AMZ1: variants seen among roughly 807,000 people sequenced by gnomAD.
AMZ1 encodes the protein archaelysin family metallopeptidase 1.
In AMZ1, 39 loss-of-function variants were observed where a neutral mutation model predicts 29.9. The observed-to-expected ratio is 1.30, with a 90% CI of 1.01 to 1.70. The LOEUF (loss-of-function observed/expected upper bound fraction) is 1.70. AMZ1 is among the 40% of genes most tolerant of loss of function. The pLI, the probability that AMZ1 is intolerant of heterozygous loss-of-function variation, is 0.00. For missense variants in AMZ1, 1,041 were observed against 680.6 expected, an observed-to-expected ratio of 1.53 and a Z score of -5.89; for synonymous variants, 458 against 304.0, an observed-to-expected ratio of 1.51 and a Z score of -5.27.
chr7:2,702,572 CT>C (rs2115114638), intron 2 of AMZ1, 149 bp from the exon 3 acceptor site: 5 of 894,410 alleles, frequency 5.6e-6, no homozygotes, highest in Admixed American at 3.0e-5. Flanking sequence ...CTTTCCATCC[CT>C]TTTCTAAGCC....
At position 2,709,177 on chromosome 7, in the gene AMZ1, A is replaced by C; in HGVS notation, c.704A>C (p.Glu235Ala). Residue 235 changes from glutamate (E) to alanine (A), a missense_variant, in exon 5 of 7, where the codon GAG becomes GCG. Transcript: ENST00000683327. Reference sequence around the variant, plus strand: ...GTAGAGGCAGCAGCAGACGGCCCCGAGGCCCCCCTGCAGGACAGGGGCTGG... The same window carrying C: ...GTAGAGGCAGCAGCAGACGGCCCCGCGGCCCCCCTGCAGGACAGGGGCTGG... ...ALVEAAADGP[E>A]APLQDRGWAL... 6.5e-7 allele frequency: 1 copy of C among 1,546,494 alleles called. No homozygotes were observed. Among genetic ancestry groups the C allele is most frequent in the Non-Finnish European group, 8.7e-7 (1 of 1,148,186 alleles).
At chr7:2,736,728 G>T (rs1790198529) in intron 4 of AMZ1, among the ~76,000 whole-genome samples, 1 of 152,326 alleles carries the variant, frequency 6.6e-6, no homozygotes, top group Non-Finnish European at 1.5e-5. Flanking sequence ...ACCTCCGGTG[G>T]GAGAAAGACA....
At chr7:2,685,246 G>T (rs2115029406), upstream of AMZ1, among the ~76,000 whole-genome samples, 1 of 151,468 alleles carries the variant, frequency 6.6e-6, no homozygotes, top group East Asian at 2.0e-4. Context: ...CAACTTCTTT[G>T]TAATAAGCAG....
In AMZ1 at chr7:2,707,781, C is replaced by T. The variant is rs116588593; in HGVS notation, c.473-807C>T. 2.1e-3 allele frequency among the ~76,000 whole-genome samples: 315 copies of T among 151,006 alleles called. 2 individuals are homozygous for T. Among genetic ancestry groups the T allele is most frequent in the African/African-American group, 7.2e-3 (296 of 41,054 alleles). On this transcript the variant is annotated intron_variant, in intron 3 of 6. Transcript: ENST00000683327. Reference sequence around the variant, plus strand: ...AGCCCTGCAGTGCCCTCAGGCCTCACGTTCTCACCCAGACCCCCTGCTGCC... The same window carrying T: ...AGCCCTGCAGTGCCCTCAGGCCTCATGTTCTCACCCAGACCCCCTGCTGCC...
intron 4 of AMZ1, among the ~76,000 whole-genome samples, chr7:2,735,948 A>C (rs1363714429): frequency 6.6e-6 from 1 of 152,162 alleles, no homozygotes; most frequent in Non-Finnish European, 1.5e-5. Context: ...GCTGTCACTC[A>C]CATCCGCACT....
At chr7:2,683,694 TC>T (rs775488700), upstream of AMZ1, among the ~76,000 whole-genome samples, 21 of 152,088 alleles carry the variant, frequency 1.4e-4, no homozygotes, top group Admixed American at 2.0e-4. Context: ...TGCCTTGGCC[TC>T]CCAAAGTGCT....
chr7:2,732,210 C>T (rs969742021), intron 4 of AMZ1, among the ~76,000 whole-genome samples: 4 of 152,120 alleles, frequency 2.6e-5, no homozygotes, highest in Non-Finnish European at 5.9e-5. Flanking sequence ...AAGTCTTTAG[C>T]GACACACAGG....
chr7:2,751,915 T>C (rs566124031), intron 4 of AMZ1, among the ~76,000 whole-genome samples: 59 of 152,206 alleles, frequency 3.9e-4, no homozygotes, highest in Middle Eastern at 6.8e-3. Context: ...GACCTCACTA[T>C]CAAACACGTA....
intron 1 of AMZ1, among the ~76,000 whole-genome samples, chr7:2,679,948 A>AC (rs1376312148): frequency 6.6e-6 from 1 of 152,070 alleles, no homozygotes; most frequent in Non-Finnish European, 1.5e-5. Context: ...AGGCAGAGGG[A>AC]CCCCGGAGGT....
chr7:2,752,678 A>G (rs1302470000), intron 4 of AMZ1, among the ~76,000 whole-genome samples: 1 of 152,210 alleles, frequency 6.6e-6, no homozygotes, highest in Non-Finnish European at 1.5e-5. Flanking sequence ...GAATCTAAAC[A>G]TTGTAAAAGC....
At chr7:2,696,307 A>G (rs1436483450) in intron 1 of AMZ1, among the ~76,000 whole-genome samples, 3 of 136,662 alleles carry the variant, frequency 2.2e-5, no homozygotes, top group Non-Finnish European at 4.6e-5. Flanking sequence ...CCCAGGCTGG[A>G]GTGCAGTGGT....
intron 3 of AMZ1, among the ~76,000 whole-genome samples, chr7:2,706,897 A>G (rs117179641): frequency 0.028 from 4,325 of 152,314 alleles, 82 homozygotes; most frequent in Non-Finnish European, 0.042. Context: ...AGGCAGGAAG[A>G]TTGCTTGAGC....
intron 2 of AMZ1, 40 bp from the exon 3 acceptor site, chr7:2,702,682 C>A: frequency 6.7e-7 from 1 of 1,490,698 alleles, no homozygotes; most frequent in Non-Finnish European, 8.9e-7. Flanking sequence ...CCCAGGCGGG[C>A]AGGGGCGTCG....
intron 4 of AMZ1, among the ~76,000 whole-genome samples, chr7:2,742,620 GT>G (rs1790566255): frequency 1.3e-5 from 2 of 152,132 alleles, no homozygotes; most frequent in South Asian, 4.1e-4. Flanking sequence ...TTCCATATTA[GT>G]TCTAAAGTCA....
At position 2,700,639 on chromosome 7, in the gene AMZ1, G is replaced by A. The variant is rs745712139; in HGVS notation, c.188G>A (p.Gly63Asp). Reference sequence around the variant, plus strand: ...TTCTGCACCCTGCTCATCCGCACGGGCTTCGACTGGCTCCTGAGCCGACCC... The same window carrying A: ...TTCTGCACCCTGCTCATCCGCACGGACTTCGACTGGCTCCTGAGCCGACCC... ...TLFCTLLIRT[G>D]FDWLLSRPEA... The change falls in exon 2 of 7, where the codon GGC becomes GAC. Residue 63 changes from glycine (G) to aspartate (D), a missense_variant. Gly to Asp is a moderately conservative substitution (Grantham distance 94). Transcript: ENST00000683327. 3.1e-6 allele frequency: 5 copies of A among 1,611,596 alleles called. No homozygotes were observed. The South Asian group carries it at 3.3e-5, about 11-fold the overall frequency.
chr7:2,679,590 C>T (rs1167852129), exon 1 of AMZ1: 2 of 152,388 alleles, frequency 1.3e-5, no homozygotes, highest in African/African-American at 4.8e-5. Flanking sequence ...GGACTTTGCA[C>T]TAGGTGCTGA....
chr7:2,752,245 T>TA (rs888723940), intron 4 of AMZ1, among the ~76,000 whole-genome samples: 49 of 151,100 alleles, frequency 3.2e-4, no homozygotes, highest in African/African-American at 1.0e-3. Context: ...GCTCAGGGCT[T>TA]AAAAAAAAAG....
intron 1 of AMZ1, among the ~76,000 whole-genome samples, chr7:2,696,433 A>AT (rs1442833071): frequency 6.7e-6 from 1 of 150,344 alleles, no homozygotes; most frequent in Non-Finnish European, 1.5e-5. Flanking sequence ...ATTTTTTTGT[A>AT]TTTTTAGTAG....
In AMZ1 at chr7:2,747,494, C is replaced by T. The variant is rs375630946; in HGVS notation, n.551-17218C>T. Among the ~76,000 whole-genome samples the T allele has an allele frequency of 9.2e-5, 14 of 152,218 alleles. 1 individual carries two copies. The East Asian group carries it at 1.7e-3, about 19-fold the overall frequency. ...CAACCTTCATGCTAAAAACTCTCAA[C>T]AAATTAGGTATTGATGGGACGTATC... On this transcript the variant is annotated intron_variant and non_coding_transcript_variant, in intron 4 of 4. Transcript: ENST00000489665.
Sources: gnomAD v4.1 joint callset for allele counts (sites outside exome capture counted in the v4.1 genomes callset) on GRCh38, gnomAD v4.1.1 for gene constraint, MANE v1.5 for transcripts, NCBI Gene and HGNC (gene_info 2026-07-23, HGNC 2026-07-21) for gene names.